The following CASP5 variants were observed in gnomAD, a reference collection of about 807,000 sequenced individuals.
The protein encoded by CASP5 is caspase 5, also known as caspase-5.
In CASP5, 42 loss-of-function variants were observed where a neutral mutation model predicts 45.2. The ratio of observed to expected loss-of-function variants is 0.93; its 90% CI spans 0.73 to 1.20. The LOEUF (loss-of-function observed/expected upper bound fraction) is 1.20. Ranked by LOEUF, CASP5 falls within the 50% of genes most tolerant of loss-of-function variation. CASP5 has a pLI of 0.00. For missense variants in CASP5, 512 were observed against 532.2 expected, an observed-to-expected ratio of 0.96 and a Z score of 0.37; for synonymous variants, 209 against 186.2, an observed-to-expected ratio of 1.12 and a Z score of -1.00.
intron 1 of CASP5, among the ~76,000 whole-genome samples, chr11:105,009,739 A>ACACG (rs1565387833): frequency 7.6e-5 from 5 of 66,140 alleles, no homozygotes; most frequent in African/African-American, 3.6e-4. Flanking sequence ...ATATATATAT[A>ACACG]TATATATATA....
chr11:104,999,607 A>AAC (rs982703199), intron 6 of CASP5, among the ~76,000 whole-genome samples: 9 of 152,046 alleles, frequency 5.9e-5, no homozygotes, highest in African/African-American at 2.2e-4. Context: ...CACACATGCA[A>AAC]ACACACACAC....
chr11:105,006,938 T>C, intron 3 of CASP5, 145 bp downstream of exon 3: 7 of 744,582 alleles, frequency 9.4e-6, no homozygotes, highest in Non-Finnish European at 1.5e-5. Flanking sequence ...GACAAGGTGG[T>C]CTCTAACAGG....
rs1283567170 is a variant in CASP5, at chr11:105,018,679, G to C, written c.7+4451C>G. ...GCAAGTCCTGAGTGACCTACAAAGA[G>C]ACTTAGACTCCCACACATTAATAAT... On this transcript the variant is annotated intron_variant, in intron 1 of 9. Coordinates refer to ENST00000260315, the MANE Select transcript of CASP5 (RefSeq NM_004347.5). Among the ~76,000 whole-genome samples the C allele has an allele frequency of 6.9e-5, 10 of 144,980 alleles. No homozygotes were observed. The East Asian group carries it at 1.6e-3, about 23-fold the overall frequency.
chr11:105,013,228 A>C (rs1170424273), intron 1 of CASP5, among the ~76,000 whole-genome samples: 1 of 151,998 alleles, frequency 6.6e-6, no homozygotes, highest in Non-Finnish European at 1.5e-5. Context: ...AGTTAAACAC[A>C]TAAAAGCAGA....
intron 1 of CASP5, among the ~76,000 whole-genome samples, chr11:105,020,846 G>A (rs1181960419): frequency 1.1e-3 from 168 of 151,952 alleles, no homozygotes; most frequent in Non-Finnish European, 1.8e-3. Context: ...AGCCCGCATT[G>A]CCACGTCAAT....
intron 1 of CASP5, among the ~76,000 whole-genome samples, chr11:105,015,850 A>G (rs546781193): frequency 3.9e-4 from 59 of 152,346 alleles, no homozygotes; most frequent in African/African-American, 1.3e-3. Flanking sequence ...TAATTAAGCT[A>G]GTGGGAGAAT....
At chr11:104,999,417 G>T (rs991631269) in intron 6 of CASP5, among the ~76,000 whole-genome samples, 1 of 152,138 alleles carries the variant, frequency 6.6e-6, no homozygotes, top group African/African-American at 2.4e-5. Flanking sequence ...TATTCCATGG[G>T]ATATGTGTAC....
rs753641836 is a variant in CASP5, at chr11:105,000,446, G to A, written c.767C>T (p.Ser256Phe). 5 of 1,614,128 alleles carry A rather than the reference G, an allele frequency of 3.1e-6. No individual in the cohort carries two copies. The highest frequency in any genetic ancestry group is 4.2e-6 in the Non-Finnish European group (5 of 1,180,018). The change falls in exon 6 of 10, where the codon TCC (serine) becomes TTC (phenylalanine). Residue 256 changes from serine (S) to phenylalanine (F), a missense_variant. Coordinates refer to ENST00000260315, the MANE Select transcript of CASP5 (RefSeq NM_004347.5). ...RAFAARPEHKSSDSTFLVLMS... is the reference protein window; with the variant it reads ...RAFAARPEHKFSDSTFLVLMS... ...GAGTACCAAGAACGTGCTGTCAGAG[G>A]ACTTGTGCTCTGGTCTGGCAGCAAA... is the stretch of plus-strand genomic sequence containing the variant.
chr11:105,011,609 G>C (rs1269194777), intron 1 of CASP5, among the ~76,000 whole-genome samples: 1 of 151,460 alleles, frequency 6.6e-6, no homozygotes, highest in African/African-American at 2.4e-5. Flanking sequence ...AAAGTTGAAG[G>C]ATACAAAAAC....
chr11:104,997,981 T>G (rs1469047454), intron 7 of CASP5, among the ~76,000 whole-genome samples: 1 of 152,070 alleles, frequency 6.6e-6, no homozygotes, highest in Non-Finnish European at 1.5e-5. Context: ...TTATAGAAGA[T>G]TAAAATATAG....
chr11:105,019,785 A>C (rs1862843103), intron 1 of CASP5, among the ~76,000 whole-genome samples: 1 of 145,054 alleles, frequency 6.9e-6, no homozygotes, highest in Non-Finnish European at 1.5e-5. Flanking sequence ...AAAAAGAGGG[A>C]ATCCTCCCTA....
At chr11:104,995,938 T>TC in intron 8 of CASP5, 96 bp from the exon 9 acceptor site, 1 of 766,094 alleles carries the variant, frequency 1.3e-6, no homozygotes, top group South Asian at 1.6e-5. Flanking sequence ...GAAGAGAGCT[T>TC]CCAGGGTTGA....
Position 104,998,928 on chromosome 11 carries a change from G to A in CASP5, c.1053C>T (p.Ile351=), listed in dbSNP as rs1861595667. 3.1e-6 allele frequency: 5 copies of A among 1,613,916 alleles called. No homozygotes were observed. The highest frequency in any genetic ancestry group is 1.7e-5 in the Admixed American group (1 of 60,010). ...AAGCAATGAAGTCCTTCTCCTCGTG[G>A]ATCTTGCAAACAGAATCTGCCTCCA... ...ENLEADSVCK[I]HEEKDFIAFC... is the part of the protein sequence containing the mutation. The change falls in exon 7 of 10, where the codon ATC becomes ATT. Residue 351 remains isoleucine, a synonymous_variant. Transcript: ENST00000260315.
At chr11:105,020,850 C>G (rs78356240) in intron 1 of CASP5, among the ~76,000 whole-genome samples, 1 of 151,408 alleles carries the variant, frequency 6.6e-6, no homozygotes, top group East Asian at 1.9e-4. Context: ...CGCATTGCCA[C>G]GTCAATCCTG....
intron 7 of CASP5, among the ~76,000 whole-genome samples, chr11:104,998,654 CT>C (rs1232574784): frequency 2.0e-5 from 3 of 152,096 alleles, no homozygotes; most frequent in African/African-American, 7.2e-5. Context: ...TTTGGTATGC[CT>C]TTGACTGTAA....
intron 7 of CASP5, 97 bp downstream of exon 7, chr11:104,998,786 TCA>T: frequency 8.5e-7 from 1 of 1,176,584 alleles, no homozygotes; most frequent in East Asian, 2.4e-5. Flanking sequence ...CACCATTCTC[TCA>T]GCTCATTGTT....
chr11:105,016,788 C>T (rs1295103510), intron 1 of CASP5, among the ~76,000 whole-genome samples: 2 of 151,414 alleles, frequency 1.3e-5, no homozygotes, highest in East Asian at 3.9e-4. Flanking sequence ...GAAGCTCGAA[C>T]TGGGTGGAGC....
chr11:105,007,061 A>G, intron 3 of CASP5, 22 bp downstream of exon 3: 1 of 1,593,426 alleles, frequency 6.3e-7, no homozygotes, highest in Non-Finnish European at 8.6e-7. Context: ...TAACATATTT[A>G]TCGTGTTAGA....
chr11:105,003,280 A>G lies in CASP5; in HGVS notation c.537T>C (p.His179=). 3 of 1,574,588 alleles carry G rather than the reference A, an allele frequency of 1.9e-6. No homozygotes were observed. The highest frequency in any genetic ancestry group is 2.2e-5 in the South Asian group (2 of 89,528). The change falls in exon 4 of 10, where the codon CAT becomes CAC. Residue 179 remains histidine (H), a synonymous_variant. Transcript: ENST00000260315. ...CATACAGAGAGCACAGCACCTCATC[A>G]TGATTTTTTTTACACAGTCTCAGGA... is the stretch of plus-strand genomic sequence containing the variant. The part of the protein sequence containing the change: ...EEFLRLCKKN[H]DEIYPIKKRE...
Sources: allele counts gnomAD v4.1 joint callset (sites outside exome capture counted in the v4.1 genomes callset), GRCh38; gene constraint gnomAD v4.1.1; transcripts MANE v1.5; gene names NCBI Gene and HGNC (gene_info 2026-07-23, HGNC 2026-07-21).